RARB: variants seen among roughly 807,000 people sequenced by gnomAD.
The protein encoded by RARB is HBV-activated protein.
RARB carries 17 observed loss-of-function variants against 51.9 expected under a neutral mutation model. The observed-to-expected ratio is 0.33, with a 90% CI of 0.22 to 0.49. The LOEUF (loss-of-function observed/expected upper bound fraction) is 0.49, where lower values mean the gene tolerates loss of function less well. RARB is among the 20% of genes least tolerant of loss of function. The pLI is 0.99. For missense variants in RARB, 369 were observed against 550.8 expected (o/e 0.67, Z 3.30); for synonymous variants, 215 against 195.4 (o/e 1.10, Z -0.84).
intron 3 of RARB, among the ~76,000 whole-genome samples, chr3:25,085,553 A>C (rs1237854755): frequency 1.3e-5 from 2 of 151,984 alleles, no homozygotes; most frequent in African/African-American, 4.8e-5. Context: ...GGCCCCTGTC[A>C]ATTTTTCTTT....
At chr3:25,315,073 G>A (rs1704388326) in intron 5 of RARB, among the ~76,000 whole-genome samples, 1 of 152,192 alleles carries the variant, frequency 6.6e-6, no homozygotes, top group Non-Finnish European at 1.5e-5. Flanking sequence ...TCCGTGGTGT[G>A]TAGGTACCAC....
chr3:25,033,878 C>T (rs1697929574), intron 2 of RARB, among the ~76,000 whole-genome samples: 1 of 152,190 alleles, frequency 6.6e-6, no homozygotes, highest in Admixed American at 6.5e-5. Flanking sequence ...TATTCAAGAA[C>T]GTACATGGGT....
chr3:24,835,630 G>C (rs1427207245), intron 1 of RARB, among the ~76,000 whole-genome samples: 1 of 152,172 alleles, frequency 6.6e-6, no homozygotes, highest in Non-Finnish European at 1.5e-5. Context: ...AGAACCAAAA[G>C]CATGGGAGTG....
chr3:25,163,831 T>C (rs1263406461), intron 4 of RARB, among the ~76,000 whole-genome samples: 1 of 152,144 alleles, frequency 6.6e-6, no homozygotes, highest in Non-Finnish European at 1.5e-5. Flanking sequence ...GTTGTGATGT[T>C]TCTTTTGACC....
chr3:25,544,133 A>G (rs924276927), intron 3 of RARB, among the ~76,000 whole-genome samples: 7 of 152,248 alleles, frequency 4.6e-5, no homozygotes, highest in Admixed American at 4.6e-4. Context: ...AATAACATGA[A>G]GAAATATTTA....
At chr3:25,307,723 TGAG>T (rs1463096559) in intron 5 of RARB, among the ~76,000 whole-genome samples, 1 of 152,146 alleles carries the variant, frequency 6.6e-6, no homozygotes, top group Non-Finnish European at 1.5e-5. Context: ...GTCACTAGAA[TGAG>T]GACGAGGCAC....
intron 1 of RARB, among the ~76,000 whole-genome samples, chr3:25,454,671 T>C (rs1007635134): frequency 6.7e-6 from 1 of 149,356 alleles, no homozygotes; most frequent in Non-Finnish European, 1.5e-5. Flanking sequence ...CAGCCGTAAA[T>C]TAGCTCTCAC....
intron 2 of RARB, among the ~76,000 whole-genome samples, chr3:24,859,382 G>A (rs1396504867): frequency 6.6e-6 from 1 of 152,182 alleles, no homozygotes; most frequent in African/African-American, 2.4e-5. Flanking sequence ...TGTGAAGTAA[G>A]TTTTTAGTAC....
chr3:25,388,216 A>G (rs1706851123), intron 5 of RARB, among the ~76,000 whole-genome samples: 1 of 152,214 alleles, frequency 6.6e-6, no homozygotes. Context: ...ACAGCATTGC[A>G]TAAATTTCTT....
intron 2 of RARB, among the ~76,000 whole-genome samples, chr3:25,017,724 G>A (rs1015746691): frequency 6.6e-6 from 1 of 152,164 alleles, no homozygotes; most frequent in Non-Finnish European, 1.5e-5. Context: ...TAGTGCCTCT[G>A]AATCAAGGCC....
intron 2 of RARB, among the ~76,000 whole-genome samples, chr3:24,960,301 A>G (rs915110128): frequency 3.6e-5 from 2 of 55,686 alleles, no homozygotes; most frequent in Non-Finnish European, 6.1e-5. Flanking sequence ...CTATGAATAT[A>G]TGTACTACCT....
intron 1 of RARB, among the ~76,000 whole-genome samples, chr3:24,853,043 G>A (rs961212571): frequency 5.3e-5 from 8 of 152,002 alleles, no homozygotes; most frequent in African/African-American, 1.7e-4. Context: ...GGCTGGGCAC[G>A]GTGGCTCACG....
chr3:25,588,356 G>C, intron 5 of RARB, among the ~76,000 whole-genome samples: 1 of 152,188 alleles, frequency 6.6e-6, no homozygotes, highest in East Asian at 1.9e-4. Flanking sequence ...CTGAGGAAGA[G>C]GTTTGATTAG....
chr3:25,135,667 A>G (rs1460057448), intron 4 of RARB, among the ~76,000 whole-genome samples: 2 of 152,062 alleles, frequency 1.3e-5, no homozygotes, highest in East Asian at 1.9e-4. Flanking sequence ...GCTAAATGGT[A>G]GGAAGAAAAG....
At chr3:25,550,911 A>T (rs1699824602) in intron 3 of RARB, among the ~76,000 whole-genome samples, 1 of 152,176 alleles carries the variant, frequency 6.6e-6, no homozygotes, top group Admixed American at 6.5e-5. Flanking sequence ...CCTGCAAAGG[A>T]CATGATCTCG....
intron 3 of RARB, among the ~76,000 whole-genome samples, chr3:25,110,336 TC>T (rs1238874868): frequency 3.9e-5 from 6 of 152,216 alleles, no homozygotes; most frequent in African/African-American, 1.4e-4. Flanking sequence ...ATATGTGTTA[TC>T]TCATTTAAGC....
chr3:25,591,414 T>C (rs1244804281), intron 5 of RARB, among the ~76,000 whole-genome samples: 1 of 152,116 alleles, frequency 6.6e-6, no homozygotes, highest in Admixed American at 6.5e-5. Context: ...GATATCGAAA[T>C]CAGTACTGGG....
At chr3:25,345,558 G>A (rs566718601) in intron 5 of RARB, among the ~76,000 whole-genome samples, 120 of 151,752 alleles carry the variant, frequency 7.9e-4, no homozygotes, top group African/African-American at 2.2e-3. Context: ...CTAGCTACTC[G>A]GGAGGCTGAG....
chr3:25,079,896 A>C (rs1298601514), intron 3 of RARB, among the ~76,000 whole-genome samples: 5 of 152,122 alleles, frequency 3.3e-5, no homozygotes, highest in African/African-American at 1.2e-4. Context: ...ATGAGTTGTA[A>C]AGGGTTTTAT....
Sources: gnomAD v4.1 joint callset for allele counts (sites outside exome capture counted in the v4.1 genomes callset) on GRCh38, gnomAD v4.1.1 for gene constraint, MANE v1.5 for transcripts, NCBI Gene and HGNC (gene_info 2026-07-23, HGNC 2026-07-21) for gene names.